The following RNF130 variants were observed in gnomAD, a reference collection of about 807,000 sequenced individuals.
RNF130 encodes ring finger protein 130, also known as E3 ubiquitin-protein ligase RNF130.
In RNF130, 21 loss-of-function variants were observed where a neutral mutation model predicts 44.6. The ratio of observed to expected loss-of-function variants is 0.47; its 90% confidence interval spans 0.33 to 0.68. The LOEUF (loss-of-function observed/expected upper bound fraction) is 0.68, where lower values mean the gene tolerates loss of function less well. Ranked by LOEUF, RNF130 falls within the 30% of genes least tolerant of loss-of-function variation. RNF130 has a pLI of 0.02. For synonymous variants in RNF130, 214 were observed against 210.4 expected, an observed-to-expected ratio of 1.02 and a Z score of -0.15; for missense variants, 479 against 560.6, an observed-to-expected ratio of 0.85 and a Z score of 1.47.
chr5:180,026,088 A>G (rs965589683), intron 2 of RNF130, among the ~76,000 whole-genome samples: 1 of 151,658 alleles, frequency 6.6e-6, no homozygotes, highest in African/African-American at 2.4e-5. Context: ...AAAGGTGAAG[A>G]GCCATTCAAC....
chr5:179,949,924 T>C (rs1057019694), intron 7 of RNF130, among the ~76,000 whole-genome samples: 1 of 152,206 alleles, frequency 6.6e-6, no homozygotes, highest in Non-Finnish European at 1.5e-5. Context: ...GGTATAATCT[T>C]GCTAAAACTT....
chr5:179,970,414 A>T lies in RNF130; in HGVS notation c.941T>A (p.Ile314Asn). 3.7e-6 allele frequency: 6 copies of T among 1,608,430 alleles called. No homozygotes were observed. Among genetic ancestry groups the T allele is most frequent in the Non-Finnish European group, 5.1e-6 (6 of 1,176,812 alleles). The change falls in exon 6 of 9, where the codon ATT becomes AAT. Residue 314 changes from isoleucine to asparagine, a missense_variant. Coordinates refer to ENST00000521389, the MANE Select transcript of RNF130 (RefSeq NM_018434.6). Reference sequence around the variant, plus strand: ...CAAATAAAATAGGAAACGTACCACAATTCCCAGGGCCTTCAATATATTAAG... The same window carrying T: ...CAAATAAAATAGGAAACGTACCACATTTCCCAGGGCCTTCAATATATTAAG... ...CKLNILKALG[I>N]VPNLPCTDNV...
At chr5:180,064,084 C>T (rs990409804) in intron 1 of RNF130, among the ~76,000 whole-genome samples, 2 of 152,050 alleles carry the variant, frequency 1.3e-5, no homozygotes, top group Non-Finnish European at 2.9e-5. Flanking sequence ...AGCTAGGCAA[C>T]GTAGGACCTA....
At chr5:180,012,448 T>A (rs1409942249) in intron 3 of RNF130, among the ~76,000 whole-genome samples, 2 of 152,092 alleles carry the variant, frequency 1.3e-5, no homozygotes, top group Non-Finnish European at 2.9e-5. Flanking sequence ...AGGGCCACCA[T>A]CTCCAGGCCC....
intron 2 of RNF130, among the ~76,000 whole-genome samples, chr5:180,035,834 T>C (rs1043208112): frequency 2.0e-5 from 3 of 152,250 alleles, no homozygotes; most frequent in African/African-American, 7.2e-5. Flanking sequence ...AATTCCAGCA[T>C]GTCTGTCTGG....
At chr5:179,969,732 G>A (rs1401552679) in intron 6 of RNF130, among the ~76,000 whole-genome samples, 4 of 151,968 alleles carry the variant, frequency 2.6e-5, no homozygotes, top group Non-Finnish European at 4.4e-5. Context: ...GCTCACGCCT[G>A]TAACCCCAGC....
chr5:179,934,540 C>CTTTT (rs140004601), intron 7 of RNF130, among the ~76,000 whole-genome samples: 1 of 126,418 alleles, frequency 7.9e-6, no homozygotes. Flanking sequence ...CTTTTCTTTC[C>CTTTT]TTTTTTTTTT....
At chr5:179,911,994 A>T (rs1761473552) in exon 8 of RNF130, 1 of 152,250 alleles carries the variant, frequency 6.6e-6, no homozygotes, top group South Asian at 2.1e-4. Flanking sequence ...TTAAAATTTT[A>T]ATTAAAATTC....
chr5:179,965,618 A>G (rs1561671958), intron 7 of RNF130, among the ~76,000 whole-genome samples: 1 of 152,208 alleles, frequency 6.6e-6, no homozygotes, highest in African/African-American at 2.4e-5. Context: ...CTACTCAATC[A>G]AGTTTTAAAA....
intron 1 of RNF130, among the ~76,000 whole-genome samples, chr5:180,059,606 G>C (rs138394675): frequency 5.6e-4 from 85 of 152,238 alleles, no homozygotes; most frequent in African/African-American, 1.9e-3. Flanking sequence ...GTGCATCACT[G>C]ACCTTTAAGG....
chr5:179,932,627 C>G (rs1036495958), intron 7 of RNF130, among the ~76,000 whole-genome samples: 4 of 151,882 alleles, frequency 2.6e-5, no homozygotes, highest in African/African-American at 9.7e-5. Context: ...CACCTGAGGT[C>G]AGGAGATCAA....
intron 3 of RNF130, among the ~76,000 whole-genome samples, chr5:179,999,201 T>C (rs1763276880): frequency 6.6e-6 from 1 of 151,510 alleles, no homozygotes; most frequent in South Asian, 2.1e-4. Context: ...TTTGTATTTT[T>C]AGTAGAGACA....
At chr5:179,947,373 A>G (rs1194143197) in intron 7 of RNF130, among the ~76,000 whole-genome samples, 2 of 152,180 alleles carry the variant, frequency 1.3e-5, no homozygotes, top group Non-Finnish European at 2.9e-5. Flanking sequence ...CCTGTGTCCT[A>G]AATCAAGCCC....
At position 180,015,746 on chromosome 5, in the gene RNF130, A is replaced by AG. The variant is rs1554104767; in HGVS notation, c.443-2436dup. Among the ~76,000 whole-genome samples, 21 of 105,636 alleles carry AG rather than the reference A, an allele frequency of 2.0e-4. 1 individual carries two copies. The highest frequency in any genetic ancestry group is 1.8e-3 in the East Asian group (6 of 3,344). The allele number at this position is 105,636 out of a possible 152,430, so 69.3% of individuals were successfully genotyped here. A position where few individuals can be genotyped will look rare whatever the true frequency, so the allele number is the denominator to read the frequency against. On this transcript the variant is annotated intron_variant, in intron 2 of 8. Transcript: ENST00000521389. ...GTAGGAAAGGAGTAGGAAAAGGAGT[A>AG]GGAAAGGAGTAGGGAAAGGAGTAGG...
At chr5:179,960,038 T>C (rs1321674813) in intron 8 of RNF130, among the ~76,000 whole-genome samples, 3 of 152,212 alleles carry the variant, frequency 2.0e-5, no homozygotes, top group Non-Finnish European at 4.4e-5. Context: ...CATTTGTATA[T>C]GTTCCTCAAA....
chr5:179,950,128 C>A (rs1200219598), downstream of RNF130, among the ~76,000 whole-genome samples: 1 of 149,730 alleles, frequency 6.7e-6, no homozygotes, highest in African/African-American at 2.5e-5. Context: ...TTTTTTTTTT[C>A]TTGAGATAGA....
At chr5:179,970,359 C>A in intron 6 of RNF130, 51 bp downstream of exon 6, 3 of 1,319,546 alleles carry the variant, frequency 2.3e-6, no homozygotes, top group Non-Finnish European at 3.2e-6. Flanking sequence ...TTGTATTACA[C>A]ATACATATAA....
chr5:179,988,714 TG>T (rs1012120602), intron 3 of RNF130, among the ~76,000 whole-genome samples: 12 of 152,244 alleles, frequency 7.9e-5, no homozygotes, highest in Non-Finnish European at 1.8e-4. Context: ...AAAGTTCCTC[TG>T]GTTATTGAGT....
At chr5:179,937,933 T>TGTGTGAGAGAGA (rs1268947878) in intron 7 of RNF130, among the ~76,000 whole-genome samples, 6 of 116,296 alleles carry the variant, frequency 5.2e-5, no homozygotes, top group East Asian at 2.5e-4. Flanking sequence ...TGTGTGTGTG[T>TGTGTGAGAGAGA]GAGAGAGAGA....
Sources: gnomAD v4.1 joint callset for allele counts (sites outside exome capture counted in the v4.1 genomes callset) on GRCh38, gnomAD v4.1.1 for gene constraint, MANE v1.5 for transcripts, NCBI Gene and HGNC (gene_info 2026-07-23, HGNC 2026-07-21) for gene names.